The following C1orf21 variants were observed in gnomAD, a reference collection of about 807,000 sequenced individuals.
C1orf21 encodes uncharacterized protein C1orf21.
A neutral mutation model predicts 18.7 loss-of-function variants in C1orf21; 3 were observed. The ratio of observed to expected loss-of-function variants is 0.16; its 90% CI spans 0.07 to 0.42. The LOEUF (loss-of-function observed/expected upper bound fraction) is 0.42, where lower values mean the gene tolerates loss of function less well. Ranked by LOEUF, C1orf21 falls within the 10% of genes least tolerant of loss-of-function variation. The pLI, the probability that C1orf21 is intolerant of heterozygous loss-of-function variation, is 0.99. For synonymous variants in C1orf21, 41 were observed against 46.4 expected (o/e 0.88, Z 0.47); for missense variants, 104 against 143.6 (o/e 0.72, Z 1.41).
chr1:184,471,812 T>C (rs1291815585), intron 1 of C1orf21, among the ~76,000 whole-genome samples: 3 of 152,222 alleles, frequency 2.0e-5, no homozygotes, highest in Non-Finnish European at 4.4e-5. Context: ...TTGGAGTTAA[T>C]AGCATATTGT....
At chr1:184,536,569 T>A (rs953451790) in intron 3 of C1orf21, among the ~76,000 whole-genome samples, 3 of 152,186 alleles carry the variant, frequency 2.0e-5, no homozygotes, top group Non-Finnish European at 4.4e-5. Context: ...GTAGTTGTCA[T>A]GTACAACTGC....
intron 3 of C1orf21, among the ~76,000 whole-genome samples, chr1:184,553,240 G>C (rs367808773): frequency 1.6e-4 from 24 of 152,266 alleles, no homozygotes; most frequent in East Asian, 5.8e-4. Context: ...AAGTCCAAGG[G>C]GGGGAGAAAC....
Position 184,387,424 on chromosome 1 carries a change from C to T in C1orf21, c.-125+56C>T, listed in dbSNP as rs1655903975. On this transcript the variant is annotated intron_variant, in intron 1 of 5. Transcript: ENST00000235307. This position sits in a 1 kb window ranked among gnomAD's most constrained non-coding sequence, Gnocchi z 5.6. ...GGGGGGAGCTGGCGGTGCAGCCCGC[C>T]CCGGCTCGGCTACCCGGGCATCCCC... is the stretch of plus-strand genomic sequence containing the variant. 1 of 152,304 alleles carries T rather than the reference C, an allele frequency of 6.6e-6. No individual in the cohort carries two copies. Among genetic ancestry groups the T allele is most frequent in the African/African-American group, 2.4e-5 (1 of 41,446 alleles). 9.4% of individuals were successfully genotyped at this position (152,304 alleles called of 1,614,324 possible).
chr1:184,567,652 A>G (rs559887837), intron 3 of C1orf21: 7 of 404,560 alleles, frequency 1.7e-5, no homozygotes. Flanking sequence ...CTACAATGGC[A>G]TCACCAGCTT....
At chr1:184,415,866 T>G (rs1656441989) in intron 1 of C1orf21, among the ~76,000 whole-genome samples, 1 of 152,200 alleles carries the variant, frequency 6.6e-6, no homozygotes, top group Non-Finnish European at 1.5e-5. Context: ...TCCCCTGAAC[T>G]GCCACAGGAT....
chr1:184,609,698 T>A (rs555437563), intron 5 of C1orf21, among the ~76,000 whole-genome samples: 1 of 152,180 alleles, frequency 6.6e-6, no homozygotes, highest in African/African-American at 2.4e-5. Flanking sequence ...CACAAAAAAA[T>A]TCCACAAAAA....
chr1:184,518,159 G>C (rs979241919), intron 3 of C1orf21, among the ~76,000 whole-genome samples: 1 of 152,154 alleles, frequency 6.6e-6, no homozygotes, highest in Non-Finnish European at 1.5e-5. Context: ...TGGCATTGTG[G>C]TAATTTGATT....
At chr1:184,535,531 A>G (rs983402443) in intron 3 of C1orf21, among the ~76,000 whole-genome samples, 1 of 152,250 alleles carries the variant, frequency 6.6e-6, no homozygotes, top group Non-Finnish European at 1.5e-5. Flanking sequence ...AAACAGCATC[A>G]TTCCTGGTGA....
intron 2 of C1orf21, among the ~76,000 whole-genome samples, chr1:184,493,424 C>T (rs1338532606): frequency 6.6e-6 from 1 of 152,200 alleles, no homozygotes; most frequent in Non-Finnish European, 1.5e-5. Flanking sequence ...TTAAATAGCA[C>T]ATCTTTGAAG....
intron 1 of C1orf21, among the ~76,000 whole-genome samples, chr1:184,416,220 C>G (rs1162936822): frequency 2.6e-5 from 4 of 152,010 alleles, no homozygotes; most frequent in Non-Finnish European, 5.9e-5. Flanking sequence ...CTATTTTATT[C>G]TAAGATTTTA....
At chr1:184,536,950 C>T (rs1311397686) in intron 3 of C1orf21, among the ~76,000 whole-genome samples, 1 of 152,052 alleles carries the variant, frequency 6.6e-6, no homozygotes, top group Non-Finnish European at 1.5e-5. Flanking sequence ...GCAACTTTCT[C>T]ATCCAAGTTT....
chr1:184,474,251 G>A (rs1657537749), intron 1 of C1orf21, among the ~76,000 whole-genome samples: 1 of 152,038 alleles, frequency 6.6e-6, no homozygotes, highest in Admixed American at 6.6e-5. Context: ...TTTATAATTT[G>A]GTGAGAACTC....
At position 184,627,252 on chromosome 1, in the gene C1orf21, T is replaced by G. The variant is rs929715376; in HGVS notation, c.*7696T>G. The G allele has an allele frequency of 6.6e-6, 1 of 152,160 alleles. No homozygotes were observed. The allele number at this position is 152,160 out of a possible 1,614,324, so 9.4% of individuals were successfully genotyped here. A position where few individuals can be genotyped will look rare whatever the true frequency, so the allele number is the denominator to read the frequency against. ...TATGGAGACAACTTGCAGTGCCTTT[T>G]AGGTTTTCCAAATAACCTCGGAGTT... On this transcript the variant is annotated 3_prime_UTR_variant, in exon 6 of 6. Coordinates refer to ENST00000235307, the MANE Select transcript of C1orf21 (RefSeq NM_030806.4).
chr1:184,497,591 GA>G (rs1388813819), intron 2 of C1orf21, among the ~76,000 whole-genome samples: 11 of 152,148 alleles, frequency 7.2e-5, no homozygotes, highest in Admixed American at 7.2e-4. Flanking sequence ...TATAAAGAGA[GA>G]AATGATGTAA....
chr1:184,405,659 A>G (rs1656232619), intron 1 of C1orf21, among the ~76,000 whole-genome samples: 1 of 152,228 alleles, frequency 6.6e-6, no homozygotes. Context: ...TAGGGAACCT[A>G]GTTTACTCAG....
chr1:184,539,827 G>A (rs1464557629), intron 3 of C1orf21, among the ~76,000 whole-genome samples: 3 of 152,152 alleles, frequency 2.0e-5, no homozygotes, highest in Non-Finnish European at 4.4e-5. Context: ...TCACCTTTAA[G>A]GGGAAGTCTT....
intron 3 of C1orf21, among the ~76,000 whole-genome samples, chr1:184,553,606 C>G (rs1658841721): frequency 6.6e-6 from 1 of 152,162 alleles, no homozygotes. Flanking sequence ...GGGCTATAGA[C>G]TTTTTTCCAG....
intron 3 of C1orf21, among the ~76,000 whole-genome samples, chr1:184,526,130 C>T (rs1468405297): frequency 1.3e-5 from 2 of 152,060 alleles, no homozygotes; most frequent in Admixed American, 6.6e-5. Context: ...CCATATTGTC[C>T]AAGGAATGGA....
chr1:184,442,012 G>A (rs542472693), intron 1 of C1orf21, among the ~76,000 whole-genome samples: 2 of 152,232 alleles, frequency 1.3e-5, no homozygotes, highest in African/African-American at 4.8e-5. Flanking sequence ...GTAATAAAGT[G>A]TATCATGGAT....
Sources: allele counts gnomAD v4.1 joint callset (sites outside exome capture counted in the v4.1 genomes callset), GRCh38; gene constraint gnomAD v4.1.1; non-coding constraint Gnocchi (gnomAD v3.1); transcripts MANE v1.5; gene names NCBI Gene and HGNC (gene_info 2026-07-23, HGNC 2026-07-21).